Variants in U2AF1L4 observed in about 807,000 individuals in gnomAD.
U2AF1L4 encodes U2 small nuclear RNA auxiliary factor 1 like 4.
A neutral mutation model predicts 21.7 loss-of-function variants in U2AF1L4; 21 were observed. The observed-to-expected ratio is 0.97, with a 90% CI of 0.69 to 1.39. The LOEUF (loss-of-function observed/expected upper bound fraction) is 1.39, where lower values mean the gene tolerates loss of function less well. U2AF1L4 is among the 40% of genes most tolerant of loss of function. The probability of loss-of-function intolerance (pLI) is 0.00; values close to 1 mark genes in which losing one functional copy is unlikely to be tolerated. For missense variants in U2AF1L4, 259 were observed against 245.7 expected (o/e 1.05, Z -0.36); for synonymous variants, 92 against 89.7 (o/e 1.03, Z -0.15).
rs1288700877 is a variant in U2AF1L4 at position 35,742,753 on chromosome 19, C to T, written c.512G>A (p.Arg171Gln). ...GCCATGCCAGTGATCAGGGGAACAC[C>T]GATGGTTCCTCTCTCGGGGATGGTG... ...TGHHPRERNHRCSPDHWHGRF is the reference protein window; with the variant it reads ...TGHHPRERNHQCSPDHWHGRF Residue 171 changes from arginine (R) to glutamine (Q), a missense_variant, in exon 6 of 6, where the codon CGG (arginine) becomes CAG (glutamine). By Grantham distance (43) the Arg-to-Gln change is conservative (BLOSUM62 1). Coordinates refer to ENST00000378975, the MANE Select transcript of U2AF1L4 (RefSeq NM_001040425.3). 4.3e-6 allele frequency: 7 copies of T among 1,610,460 alleles called. No homozygotes were observed. Among genetic ancestry groups the T allele is most frequent in the African/African-American group, 2.7e-5 (2 of 74,718 alleles).
intron 2 of U2AF1L4, chr19:35,744,662 G>T: frequency 6.5e-7 from 1 of 1,536,298 alleles, no homozygotes; most frequent in Non-Finnish European, 8.7e-7. Flanking sequence ...GTGTTCTGTG[G>T]ATTCCGGTAC....
chr19:35,742,940 C>T (rs998893138), intron 5 of U2AF1L4, 137 bp from the exon 6 acceptor site: 2 of 820,402 alleles, frequency 2.4e-6, no homozygotes, highest in African/African-American at 3.4e-5. Flanking sequence ...CCTCAGTGGC[C>T]AGTATCAGGG....
At position 35,744,394 on chromosome 19, in the gene U2AF1L4, A is replaced by G. The variant is rs746763140; in HGVS notation, c.160T>C (p.Tyr54His). Residue 54 changes from tyrosine to histidine, a missense_variant, in exon 3 of 6, where the codon TAT (tyrosine) becomes CAT (histidine). Tyr to His is a moderately conservative substitution (Grantham distance 83). Coordinates refer to ENST00000378975, the MANE Select transcript of U2AF1L4 (RefSeq NM_001040425.3). ...QEVFTELQEK[Y>H]GEIEEMNVCD... ...ACATTCATCTCTTCAATCTCCCCAT[A>G]CTTCTCCTGCAGTTCTGTGAACACC... 1.9e-6 allele frequency: 3 copies of G among 1,613,958 alleles called. No individual in the cohort carries two copies. In the Admixed American group the frequency reaches 5.0e-5, roughly 27 times the overall value.
chr19:35,743,686 C>CAA (rs36076889), intron 5 of U2AF1L4, 123 bp downstream of exon 5: 11,033 of 486,808 alleles, frequency 0.023, 55 homozygotes, highest in African/African-American at 0.066. Flanking sequence ...GGCTCCATCT[C>CAA]AAAAAAAAAA....
In U2AF1L4 at chr19:35,744,206, C is replaced by A. The variant is rs1970441961; in HGVS notation, c.232-61G>T. The A allele has an allele frequency of 4.4e-6, 7 of 1,606,358 alleles. No homozygotes were observed. The East Asian group carries it at 1.6e-4, about 36-fold the overall frequency. On this transcript the variant is annotated intron_variant, in intron 3 of 5. Transcript: ENST00000378975. ...TCAGAGATCTTCAGGGGACTCACTA[C>A]CCGCTCTGGGGCTGGACTGGATTTA... is the stretch of plus-strand genomic sequence containing the variant.
At position 35,742,544 on chromosome 19, in the gene U2AF1L4, C is replaced by G. The variant is rs1343956707; in HGVS notation, c.*175G>C. On this transcript the variant is annotated 3_prime_UTR_variant, in exon 6 of 6. Coordinates refer to ENST00000378975, the MANE Select transcript of U2AF1L4 (RefSeq NM_001040425.3). ...AAAGCAAGTTGATGCCGAAGTGAAA[C>G]ACGCAGCTTTATTAAGACAGGGGCG... The G allele has an allele frequency of 1.9e-6, 3 of 1,612,246 alleles. No individual in the cohort carries two copies. The highest frequency in any genetic ancestry group is 1.1e-5 in the South Asian group (1 of 91,010).
Position 35,743,908 on chromosome 19 carries a change from C to A in U2AF1L4, c.366-4G>T, listed in dbSNP as rs769139268. On this transcript the variant is annotated splice_polypyrimidine_tract_variant and splice_region_variant and intron_variant, in intron 4 of 5. Coordinates refer to ENST00000378975, the MANE Select transcript of U2AF1L4 (RefSeq NM_001040425.3). ...GAAGCCACCTCGGGTACATTCCCTG[C>A]ATAGAGGGTAGAGAGATGGAGGAAG... 1.1e-5 allele frequency: 17 copies of A among 1,613,376 alleles called. No individual in the cohort carries two copies. Among genetic ancestry groups the A allele is most frequent in the Non-Finnish European group, 1.4e-5 (17 of 1,179,552 alleles).
chr19:35,744,710 G>C, intron 2 of U2AF1L4: 1 of 1,536,124 alleles, frequency 6.5e-7, no homozygotes, highest in Non-Finnish European at 8.7e-7. Flanking sequence ...GAATTTAAAA[G>C]GGGCGGGGCC....
Position 35,744,152 on chromosome 19 carries a change from G to T in U2AF1L4, c.232-7C>A. The T allele has an allele frequency of 6.2e-7, 1 of 1,613,344 alleles. No homozygotes were observed. ...CATCCTCCTCCCTCCGGAACTGCAGGAAATGTCAGTCAGGGTCAGCAGGAG... is the reference window on the plus strand; with the variant it reads ...CATCCTCCTCCCTCCGGAACTGCAGTAAATGTCAGTCAGGGTCAGCAGGAG... On this transcript the variant is annotated splice_polypyrimidine_tract_variant and splice_region_variant and intron_variant, in intron 3 of 5. Transcript: ENST00000378975.
chr19:35,745,147 T>A lies in U2AF1L4; in HGVS notation c.110A>T (p.His37Leu), dbSNP rs1433440809. Residue 37 changes from histidine to leucine, a missense_variant, in exon 2 of 6, where the codon CAC becomes CTC. Transcript: ENST00000378975. ...CRHGDRCSRL[H>L]NKPTFSQEVF... ...CACCTGGCTGAATGTCGGCTTGTTG[T>A]GAAGCCGGGAGCACCGGTCCCCGTG... 6.2e-7 allele frequency: 1 copy of A among 1,613,442 alleles called. No homozygotes were observed.
rs1970315856 is a variant in U2AF1L4, at chr19:35,742,700, G to C, written c.*19C>G. ...AACATCTGTCCCTGTTGGGGGTGAAGGGTAAGGGGGCCAGGGCCTCAGAAG... is the reference window on the plus strand; with the variant it reads ...AACATCTGTCCCTGTTGGGGGTGAACGGTAAGGGGGCCAGGGCCTCAGAAG... On this transcript the variant is annotated 3_prime_UTR_variant, in exon 6 of 6. Transcript: ENST00000378975. The C allele has an allele frequency of 6.2e-7, 1 of 1,611,688 alleles. No homozygotes were observed. The highest frequency in any genetic ancestry group is 1.1e-5 in the South Asian group (1 of 91,004).
At chr19:35,743,746 G>A in intron 5 of U2AF1L4, 63 bp downstream of exon 5, 6 of 1,379,590 alleles carry the variant, frequency 4.3e-6, no homozygotes, top group Non-Finnish European at 6.1e-6. Flanking sequence ...TTAGGGTTAG[G>A]CTCATCTGAG....
intron 2 of U2AF1L4, chr19:35,744,746 A>G: frequency 6.5e-7 from 1 of 1,533,976 alleles, no homozygotes; most frequent in Non-Finnish European, 8.7e-7. Context: ...GGGCTGCATG[A>G]ACAGAGAGTG....
chr19:35,744,236 T>C, intron 3 of U2AF1L4, 87 bp downstream of exon 3: 2 of 1,605,976 alleles, frequency 1.2e-6, no homozygotes, highest in Admixed American at 3.4e-5. Context: ...GATTTAGTGA[T>C]GAAATTCAAG....
At chr19:35,742,886 A>G in intron 5 of U2AF1L4, 83 bp from the exon 6 acceptor site, 1 of 1,282,848 alleles carries the variant, frequency 7.8e-7, no homozygotes, top group Non-Finnish European at 1.1e-6. Context: ...CTGCTCTGGG[A>G]TGAGGCAGGA....
chr19:35,743,071 G>A (rs995677715), intron 5 of U2AF1L4: 1 of 536,580 alleles, frequency 1.9e-6, no homozygotes, highest in African/African-American at 1.9e-5. Context: ...CTACTCTTAG[G>A]GTATAAGAGT....
At position 35,745,152 on chromosome 19, in the gene U2AF1L4, C is replaced by T. The variant is rs1970513375; in HGVS notation, c.105G>A (p.Arg35=). Residue 35 remains arginine (R), a synonymous_variant, in exon 2 of 6, where the codon CGG becomes CGA. Transcript: ENST00000378975. ...GGCTGAATGTCGGCTTGTTGTGAAG[C>T]CGGGAGCACCGGTCCCCGTGCCGGC... ...GVCRHGDRCS[R]LHNKPTFSQE... is the part of the protein sequence containing the mutation. 3 of 1,613,570 alleles carry T rather than the reference C, an allele frequency of 1.9e-6. No individual in the cohort carries two copies. The highest frequency in any genetic ancestry group is 4.5e-5 in the East Asian group (2 of 44,880).
intron 2 of U2AF1L4, chr19:35,744,709 A>C: frequency 6.5e-7 from 1 of 1,536,088 alleles, no homozygotes; most frequent in Non-Finnish European, 8.7e-7. Flanking sequence ...AGAATTTAAA[A>C]GGGGCGGGGC....
rs969251181 is a variant in U2AF1L4 at position 35,744,707 on chromosome 19, A to G, written c.133-286T>C. The G allele has an allele frequency of 5.9e-6, 9 of 1,535,958 alleles. No homozygotes were observed. In the African/African-American group the frequency reaches 1.1e-4, roughly 19 times the overall value. ...AGCACTATGGTCTGCACAGAATTTA[A>G]AAGGGGCGGGGCCTGAGCTCAGAGG... is the stretch of plus-strand genomic sequence containing the variant. On this transcript the variant is annotated intron_variant, in intron 2 of 5. Coordinates refer to ENST00000378975, the MANE Select transcript of U2AF1L4 (RefSeq NM_001040425.3).
Sources: gnomAD v4.1 joint callset for allele counts on GRCh38, gnomAD v4.1.1 for gene constraint, MANE v1.5 for transcripts, NCBI Gene and HGNC (gene_info 2026-07-23, HGNC 2026-07-21) for gene names.